Variants in BRD7 observed in about 807,000 individuals in gnomAD.
BRD7 encodes bromodomain-containing protein 7.
In BRD7, 15 loss-of-function variants were observed where a neutral mutation model predicts 82.1. That is an observed-to-expected ratio of 0.18 (90% CI 0.12 to 0.28). The LOEUF (loss-of-function observed/expected upper bound fraction) is 0.28, where lower values mean the gene tolerates loss of function less well. Ranked by LOEUF, BRD7 falls within the 10% of genes least tolerant of loss-of-function variation. The pLI is 1.00. For missense variants in BRD7, 638 were observed against 779.9 expected (o/e 0.82, Z 2.17); for synonymous variants, 232 against 266.9 (o/e 0.87, Z 1.27).
At chr16:50,333,546 GAGAAA>G in intron 8 of BRD7, 23 bp downstream of exon 8, 3 of 1,601,356 alleles carry the variant, frequency 1.9e-6, no homozygotes, top group Non-Finnish European at 2.5e-6. Context: ...TCAGTAGGTA[GAGAAA>G]AGAAAAGGCA....
intron 13 of BRD7, among the ~76,000 whole-genome samples, chr16:50,321,440 A>G (rs2037098695): frequency 6.6e-6 from 1 of 151,930 alleles, no homozygotes; most frequent in Non-Finnish European, 1.5e-5. Context: ...GGTGGCATGC[A>G]CCTGTAATCA....
intron 8 of BRD7, among the ~76,000 whole-genome samples, chr16:50,333,184 C>T (rs1279431199): frequency 6.6e-6 from 1 of 152,146 alleles, no homozygotes; most frequent in Admixed American, 6.5e-5. Flanking sequence ...GACCAGAATA[C>T]AAATGTTTTC....
rs748011220 is a variant in BRD7 at position 50,368,749 on chromosome 16, T to A, written c.26A>T (p.Lys9Met). 1 of 1,549,808 alleles carries A rather than the reference T, an allele frequency of 6.5e-7. No homozygotes were observed. The highest frequency in any genetic ancestry group is 1.4e-5 in the African/African-American group (1 of 69,728). The change falls in exon 1 of 17, where the codon AAG (lysine) becomes ATG (methionine). Residue 9 changes from lysine (K) to methionine (M), a missense_variant. Physicochemically the swap from Lys to Met is moderately conservative, Grantham distance 95. Transcript: ENST00000394688. Reference protein sequence around the residue: MGKKHKKHKSDKHLYEEYV... With the variant: MGKKHKKHMSDKHLYEEYV... The stretch of plus-strand genomic sequence containing the variant: ...ACCCTCGTAGAGGTGTTTGTCCGAC[T>A]TGTGCTTCTTGTGCTTCTTGCCCAT...
In BRD7 at chr16:50,320,381, T is replaced by C; in HGVS notation, c.1623A>G (p.Ile541Met). ...TGGTCTCATCAAGTTTCTTCTGGAATATTTCAGCTTCTGTGTGGTAAGAAA... is the reference window on the plus strand; with the variant it reads ...TGGTCTCATCAAGTTTCTTCTGGAACATTTCAGCTTCTGTGTGGTAAGAAA... ...VEVFDSEEAE[I>M]FQKKLDETTR... The change falls in exon 15 of 17, where the codon ATA becomes ATG. Residue 541 changes from isoleucine (I) to methionine (M), a missense_variant. By Grantham distance (10) the Ile-to-Met change is conservative. Transcript: ENST00000394688. 1 of 1,613,376 alleles carries C rather than the reference T, an allele frequency of 6.2e-7. No individual in the cohort carries two copies. The highest frequency in any genetic ancestry group is 8.5e-7 in the Non-Finnish European group (1 of 1,179,732).
intron 2 of BRD7, among the ~76,000 whole-genome samples, chr16:50,358,567 C>T (rs1343736481): frequency 6.6e-6 from 1 of 151,568 alleles, no homozygotes; most frequent in African/African-American, 2.4e-5. Context: ...TTCATTTACT[C>T]TCATCAGACC....
At chr16:50,362,688 C>A (rs1167680785) in intron 2 of BRD7, among the ~76,000 whole-genome samples, 2 of 152,268 alleles carry the variant, frequency 1.3e-5, no homozygotes, top group East Asian at 3.9e-4. Flanking sequence ...TGATATAGGA[C>A]AGCTACAAAA....
At position 50,368,174 on chromosome 16, in the gene BRD7, G is replaced by C. The variant is rs781606764; in HGVS notation, c.174C>G (p.His58Gln). 3.1e-6 allele frequency: 5 copies of C among 1,614,108 alleles called. No individual in the cohort carries two copies. The Admixed American group carries it at 8.3e-5, about 27-fold the overall frequency. The change falls in exon 2 of 17, where the codon CAC becomes CAG. Residue 58 changes from histidine to glutamine, a missense_variant. This residue lies in a region of BRD7 where 172 missense variants were observed against 155.3 expected (regional missense o/e 1.11). Transcript: ENST00000394688. ...LFEDKNDHDK[H>Q]KDRKRKKRKK... ...TTCTCTTTTTCCGCTTTCTGTCCTT[G>C]TGTTTGTCATGATCGTTTTTGTCTT... is the stretch of plus-strand genomic sequence containing the variant.
chr16:50,368,382 A>G lies in BRD7; in HGVS notation c.50-84T>C, dbSNP rs2039233759. ...GGAGTGCTAAGGATGCAGAGCGCCAAGGCGCAGCAAGCCCGAGGCGGCTTT... is the reference window on the plus strand; with the variant it reads ...GGAGTGCTAAGGATGCAGAGCGCCAGGGCGCAGCAAGCCCGAGGCGGCTTT... On this transcript the variant is annotated intron_variant, in intron 1 of 16. Transcript: ENST00000394688. 2.1e-6 allele frequency: 3 copies of G among 1,419,188 alleles called. No individual in the cohort carries two copies. The African/African-American group carries it at 4.3e-5, about 20-fold the overall frequency. The allele number at this position is 1,419,188 out of a possible 1,614,324, so 87.9% of individuals were successfully genotyped here.
chr16:50,364,120 C>A (rs920123730), intron 2 of BRD7, among the ~76,000 whole-genome samples: 2 of 151,216 alleles, frequency 1.3e-5, no homozygotes, highest in Non-Finnish European at 2.9e-5. Context: ...GCTAAGGTGA[C>A]TGTGTGATTA....
chr16:50,344,675 A>T (rs1006240441), intron 5 of BRD7, among the ~76,000 whole-genome samples: 5 of 152,348 alleles, frequency 3.3e-5, no homozygotes, highest in Admixed American at 3.3e-4. Context: ...CAATGATTGA[A>T]GATCAAATGA....
chr16:50,329,666 C>T (rs761449305), intron 8 of BRD7, among the ~76,000 whole-genome samples: 1 of 152,192 alleles, frequency 6.6e-6, no homozygotes, highest in Non-Finnish European at 1.5e-5. Context: ...AGCCATCCAT[C>T]GCACTGTGGT....
At chr16:50,320,217 T>C (rs1225944869) in intron 15 of BRD7, 31 bp downstream of exon 15, 14 of 1,595,792 alleles carry the variant, frequency 8.8e-6, no homozygotes, top group Non-Finnish European at 1.0e-5. Flanking sequence ...AAGCATCCCG[T>C]GACTCTCCTC....
intron 11 of BRD7, among the ~76,000 whole-genome samples, chr16:50,325,248 C>T (rs1418479495): frequency 6.6e-6 from 1 of 152,288 alleles, no homozygotes; most frequent in East Asian, 1.9e-4. Context: ...CCCACAGAAA[C>T]ATGCAATAAA....
Position 50,354,935 on chromosome 16 carries a change from A to G in BRD7, c.259-13T>C. ...TCTTTTTATCCTCCTAAATGGAACAAAGGGAGATAATTTAGAAATATTTCA... is the reference window on the plus strand; with the variant it reads ...TCTTTTTATCCTCCTAAATGGAACAGAGGGAGATAATTTAGAAATATTTCA... On this transcript the variant is annotated splice_polypyrimidine_tract_variant and intron_variant, in intron 2 of 16. Transcript: ENST00000394688. The G allele has an allele frequency of 6.2e-7, 1 of 1,609,222 alleles. No homozygotes were observed. The highest frequency in any genetic ancestry group is 1.3e-5 in the African/African-American group (1 of 74,610).
At chr16:50,334,534 T>C (rs1022405658) in intron 7 of BRD7, among the ~76,000 whole-genome samples, 177 bp downstream of exon 7, 2 of 152,168 alleles carry the variant, frequency 1.3e-5, no homozygotes, top group Admixed American at 6.5e-5. Flanking sequence ...CAATCCCATA[T>C]AGTGCTTCAT....
chr16:50,322,067 A>G, intron 12 of BRD7, 29 bp from the exon 13 acceptor site: 1 of 1,558,600 alleles, frequency 6.4e-7, no homozygotes, highest in South Asian at 1.2e-5. Flanking sequence ...ACAGCTTTTT[A>G]GGAAAACACA....
rs2039242101 is a variant in BRD7 at position 50,368,522 on chromosome 16, G to A, written c.49+204C>T. Reference sequence around the variant, plus strand: ...GCCCGCCTCACGTCTCCCCACCAGAGACCCACCGGACCAGGGGGACCCGGG... The same window carrying A: ...GCCCGCCTCACGTCTCCCCACCAGAAACCCACCGGACCAGGGGGACCCGGG... On this transcript the variant is annotated intron_variant, in intron 1 of 16. Coordinates refer to ENST00000394688, the MANE Select transcript of BRD7 (RefSeq NM_013263.5). 3.1e-5 allele frequency: 22 copies of A among 717,354 alleles called. No individual in the cohort carries two copies. In the South Asian group the frequency reaches 4.5e-4, roughly 15 times the overall value. The allele number at this position is 717,354 out of a possible 1,614,324, so 44.4% of individuals were successfully genotyped here. A position where few individuals can be genotyped will look rare whatever the true frequency, so the allele number is the denominator to read the frequency against.
chr16:50,326,403 A>T lies in BRD7; in HGVS notation c.1088-12T>A. 1 of 1,542,866 alleles carries T rather than the reference A, an allele frequency of 6.5e-7. No individual in the cohort carries two copies. ...GCAGTAGCCTGGCTCTACAACATAA[A>T]ACAGAGCACAGTGAAGGAGGCCTAC... On this transcript the variant is annotated splice_polypyrimidine_tract_variant and intron_variant, in intron 9 of 16. Coordinates refer to ENST00000394688, the MANE Select transcript of BRD7 (RefSeq NM_013263.5).
chr16:50,323,799 CAT>C lies in BRD7; in HGVS notation c.1332-103_1332-102del, dbSNP rs926209503. On this transcript the variant is annotated intron_variant, in intron 11 of 16. Transcript: ENST00000394688. ...CCACTAGATGTCCTCGGTTATACAT[CAT>C]GACATCAAATTTCTGCCTAGACACA... is the stretch of plus-strand genomic sequence containing the variant. 3.2e-5 allele frequency: 24 copies of C among 761,040 alleles called. No homozygotes were observed. The African/African-American group carries it at 4.0e-4, about 13-fold the overall frequency. 47.1% of individuals were successfully genotyped at this position (761,040 alleles called of 1,614,324 possible).
Sources: gnomAD v4.1 joint callset for allele counts (sites outside exome capture counted in the v4.1 genomes callset) on GRCh38, gnomAD v4.1.1 for gene constraint, gnomAD v4.1.1 regional missense constraint, MANE v1.5 for transcripts, NCBI Gene and HGNC (gene_info 2026-07-23, HGNC 2026-07-21) for gene names.